Variants in USP11 observed in about 807,000 individuals in gnomAD.
USP11 encodes ubiquitin specific peptidase 11, also known as ubiquitin carboxyl-terminal hydrolase 11.
In USP11, 5 loss-of-function variants were observed where a neutral mutation model predicts 72.8. That is an observed-to-expected ratio of 0.07 (90% CI 0.04 to 0.14). USP11 has a LOEUF of 0.14. Ranked by LOEUF, USP11 falls within the 10% of genes least tolerant of loss-of-function variation. The pLI is 1.00. For synonymous variants in USP11, 368 were observed against 326.5 expected (o/e 1.13, Z -1.37); for missense variants, 480 against 794.7 (o/e 0.60, Z 4.76).
intron 1 of USP11, among the ~76,000 whole-genome samples, chrX:47,234,391 CTT>C (rs939068373): frequency 6.3e-5 from 7 of 111,994 alleles, no homozygotes; most frequent in African/African-American, 9.7e-5. Flanking sequence ...ATTTTTGTCT[CTT>C]TTACTGTAAA....
At chrX:47,236,859 G>A (rs1602707489) in intron 1 of USP11, among the ~76,000 whole-genome samples, 1 of 112,178 alleles carries the variant, frequency 8.9e-6, no homozygotes, top group Admixed American at 9.5e-5. Flanking sequence ...TAATTTGGGT[G>A]TTATTGATAC....
At chrX:47,239,642 T>G in intron 3 of USP11, 148 bp from the exon 4 acceptor site, 1 of 980,455 alleles carries the variant, frequency 1.0e-6, no homozygotes, top group Non-Finnish European at 1.4e-6. Flanking sequence ...CTGTGTGTGT[T>G]CCCCTGTGTG....
Position 47,243,483 on chromosome X carries a change from C to T in USP11, c.1671C>T (p.Ala557=). Residue 557 remains alanine, a synonymous_variant, in exon 13 of 21, where the codon GCC becomes GCT. Coordinates refer to ENST00000377107, the MANE Select transcript of USP11 (RefSeq NM_001371072.1). The part of the protein sequence containing the change: ...VPVYLRERTP[A]RDYNNSYYGL... ...TCTACCTGCGGGAGCGCACCCCTGCCCGTGACTACAACAACTCCTACTACG... is the reference window on the plus strand; with the variant it reads ...TCTACCTGCGGGAGCGCACCCCTGCTCGTGACTACAACAACTCCTACTACG... 8.3e-7 allele frequency: 1 copy of T among 1,211,579 alleles called. No homozygotes were observed. The highest frequency in any genetic ancestry group is 3.0e-5 in the East Asian group (1 of 33,808).
chrX:47,242,621 C>T lies in USP11; in HGVS notation c.1489-5C>T. On this transcript the variant is annotated splice_region_variant and splice_polypyrimidine_tract_variant and intron_variant, in intron 11 of 20. Transcript: ENST00000377107. ...AACAGTCCCCTCTCCATATCCCATT[C>T]CTAGATGATGGTGGCTGATGTCTTC... The T allele has an allele frequency of 1.7e-6, 2 of 1,209,249 alleles. No individual in the cohort carries two copies. Among genetic ancestry groups the T allele is most frequent in the East Asian group, 5.9e-5 (2 of 33,827 alleles).
intron 6 of USP11, 44 bp from the exon 7 acceptor site, chrX:47,240,730 C>A (rs368368015): frequency 8.3e-7 from 1 of 1,203,382 alleles, no homozygotes; most frequent in African/African-American, 1.8e-5. Flanking sequence ...CATTGCACCC[C>A]CATGCAGCAG....
chrX:47,233,451 G>A, intron 1 of USP11: 3 of 1,058,400 alleles, frequency 2.8e-6, no homozygotes, highest in South Asian at 2.6e-5. Flanking sequence ...AACAAAATGG[G>A]GTTTGTTGTG....
chrX:47,247,043 C>T (rs753248746), intron 17 of USP11, 29 bp from the exon 18 acceptor site: 1 of 1,173,882 alleles, frequency 8.5e-7, no homozygotes, highest in South Asian at 1.9e-5. Flanking sequence ...AAGAAAAAGT[C>T]CGTTTGCTGA....
chrX:47,237,075 C>T lies in USP11; in HGVS notation c.177-1995C>T, dbSNP rs2055375643. On this transcript the variant is annotated intron_variant, in intron 1 of 20. Coordinates refer to ENST00000377107, the MANE Select transcript of USP11 (RefSeq NM_001371072.1). The stretch of plus-strand genomic sequence containing the variant: ...CCTGTGACCAGGTCTGGAAGTTTTG[C>T]TTACCACTCTACAGCGTGATTTTAA... Among the ~76,000 whole-genome samples the T allele has an allele frequency of 3.6e-5, 4 of 112,406 alleles. No individual in the cohort carries two copies. In the Admixed American group the frequency reaches 3.8e-4, roughly 11 times the overall value.
Position 47,240,662 on chromosome X carries a change from G to A in USP11, c.743+14G>A. 1.7e-6 allele frequency: 2 copies of A among 1,211,982 alleles called. No individual in the cohort carries two copies. Among genetic ancestry groups the A allele is most frequent in the Non-Finnish European group, 2.2e-6 (2 of 895,474 alleles). ...GCTGCATGTCATGTGAGCCCTTGGG[G>A]TATCTGGTCCAGAGCGGGGGCGTCC... is the stretch of plus-strand genomic sequence containing the variant. On this transcript the variant is annotated intron_variant, in intron 6 of 20. Coordinates refer to ENST00000377107, the MANE Select transcript of USP11 (RefSeq NM_001371072.1).
intron 9 of USP11, 26 bp downstream of exon 9, chrX:47,241,725 C>T: frequency 9.5e-6 from 11 of 1,162,246 alleles, no homozygotes; most frequent in Non-Finnish European, 1.3e-5. Context: ...ATTTGCAGTC[C>T]AATTAACATC....
chrX:47,241,077 C>T lies in USP11; in HGVS notation c.847-200C>T, dbSNP rs752833366. ...CTCTCAGCTTGCCCTCATTTTCCCT[C>T]TTCTCTTCCCTGTTCCCACGTTCTT... On this transcript the variant is annotated intron_variant, in intron 7 of 20. Coordinates refer to ENST00000377107, the MANE Select transcript of USP11 (RefSeq NM_001371072.1). The T allele has an allele frequency of 4.9e-4, 274 of 558,086 alleles. 1 individual carries two copies. Among genetic ancestry groups the T allele is most frequent in the Non-Finnish European group, 1.1e-4 (40 of 357,511 alleles). 46.0% of individuals were successfully genotyped at this position (558,086 alleles called of 1,213,427 possible).
Position 47,241,184 on chromosome X carries a change from C to A in USP11, c.847-93C>A, listed in dbSNP as rs1187012432. ...TCCCTTCCCCTTCTCTCTTGTTTTCCTCTCTCTTTCCTCCTGGCTTCTTTT... is the reference window on the plus strand; with the variant it reads ...TCCCTTCCCCTTCTCTCTTGTTTTCATCTCTCTTTCCTCCTGGCTTCTTTT... On this transcript the variant is annotated intron_variant, in intron 7 of 20. Transcript: ENST00000377107. The A allele has an allele frequency of 3.1e-6, 3 of 977,488 alleles. No individual in the cohort carries two copies. The East Asian group carries it at 9.4e-5, about 31-fold the overall frequency. 80.6% of individuals were successfully genotyped at this position (977,488 alleles called of 1,213,427 possible). A position where few individuals can be genotyped will look rare whatever the true frequency, so the allele number is the denominator to read the frequency against.
At chrX:47,238,567 T>C (rs1385395835) in intron 1 of USP11, among the ~76,000 whole-genome samples, 1 of 107,364 alleles carries the variant, frequency 9.3e-6, no homozygotes, top group Non-Finnish European at 1.9e-5. Context: ...TTTAAATTCT[T>C]TGCTCCTTTT....
At chrX:47,238,487 C>CT (rs57112058) in intron 1 of USP11, among the ~76,000 whole-genome samples, 3,959 of 44,249 alleles carry the variant, frequency 0.089, 664 homozygotes, top group African/African-American at 0.3. Context: ...TGTGCCCGGT[C>CT]TTTTTTTTTT....
chrX:47,236,456 C>T (rs2055372339), intron 1 of USP11, among the ~76,000 whole-genome samples: 4 of 112,222 alleles, frequency 3.6e-5, no homozygotes, highest in African/African-American at 1.3e-4. Context: ...TGTCAGCTGG[C>T]AGATTTGGGT....
rs377018758 is a variant in USP11 at position 47,240,761 on chromosome X, C to T, written c.744-13C>T. 3.6e-5 allele frequency: 43 copies of T among 1,208,925 alleles called. No individual in the cohort carries two copies. The African/African-American group carries it at 7.2e-4, about 20-fold the overall frequency. ...AGCAGGCCCTCAGCTGACAGTTTCT[C>T]ATCTAACCCCAGGAACAACAACATG... On this transcript the variant is annotated splice_polypyrimidine_tract_variant and intron_variant, in intron 6 of 20. Coordinates refer to ENST00000377107, the MANE Select transcript of USP11 (RefSeq NM_001371072.1).
chrX:47,235,154 C>A (rs774847108), intron 1 of USP11, among the ~76,000 whole-genome samples: 7 of 112,446 alleles, frequency 6.2e-5, no homozygotes, highest in Non-Finnish European at 1.1e-4. Context: ...AAACTGTTAT[C>A]CTGAATTTTG....
chrX:47,241,844 C>T (rs1283255258), intron 9 of USP11, 145 bp downstream of exon 9: 2 of 834,431 alleles, frequency 2.4e-6, no homozygotes, highest in African/African-American at 2.1e-5. Context: ...TACTCTTAAC[C>T]TTAGTTGCAA....
chrX:47,247,379 C>T lies in USP11; in HGVS notation c.2496C>T (p.Ile832=), dbSNP rs142933217. ...SNPELYKYDL[I]AVSNHYGGMR... ...CGGAGCTGTACAAATATGACCTCAT[C>T]GCGGTTTCCAACCATTATGGGGGCA... The change falls in exon 19 of 21, where the codon ATC becomes ATT. Residue 832 remains isoleucine, a synonymous_variant. Transcript: ENST00000377107. The T allele has an allele frequency of 4.5e-5, 55 of 1,208,925 alleles. No individual in the cohort carries two copies. The African/African-American group carries it at 6.3e-4, about 14-fold the overall frequency.
Sources: allele counts gnomAD v4.1 joint callset (sites outside exome capture counted in the v4.1 genomes callset), GRCh38; gene constraint gnomAD v4.1.1; transcripts MANE v1.5; gene names NCBI Gene and HGNC (gene_info 2026-07-23, HGNC 2026-07-21).